GIGYF2: variants seen among roughly 807,000 people sequenced by gnomAD.
The protein encoded by GIGYF2 is GRB10-interacting GYF protein 2.
In GIGYF2, 25 loss-of-function variants were observed where a neutral mutation model predicts 208.1. The ratio of observed to expected loss-of-function variants is 0.12; its 90% CI spans 0.09 to 0.17. The LOEUF (loss-of-function observed/expected upper bound fraction) is 0.17. GIGYF2 is among the 10% of genes least tolerant of loss of function. The probability of loss-of-function intolerance (pLI) is 1.00; values close to 1 mark genes in which losing one functional copy is unlikely to be tolerated. For missense variants in GIGYF2, 1,302 were observed against 1,579.4 expected, an observed-to-expected ratio of 0.82 and a Z score of 2.98; for synonymous variants, 534 against 543.8, an observed-to-expected ratio of 0.98 and a Z score of 0.25.
intron 8 of GIGYF2, among the ~76,000 whole-genome samples, chr2:232,779,178 C>T (rs1411255149): frequency 6.6e-6 from 1 of 152,140 alleles, no homozygotes; most frequent in African/African-American, 2.4e-5. Flanking sequence ...TCTGTTGTAG[C>T]TGTTTCACAG....
At chr2:232,852,723 A>G (rs1690405301) in intron 28 of GIGYF2, among the ~76,000 whole-genome samples, 3 of 152,208 alleles carry the variant, frequency 2.0e-5, no homozygotes, top group South Asian at 4.2e-4. Context: ...ATTTTTTCCA[A>G]TTTGGATGAA....
Position 232,735,191 on chromosome 2 carries a change from GA to G in GIGYF2, c.-3del. 1 of 1,597,020 alleles carries G rather than the reference GA, an allele frequency of 6.3e-7. No individual in the cohort carries two copies. The highest frequency in any genetic ancestry group is 8.6e-7 in the Non-Finnish European group (1 of 1,164,532). On this transcript the variant is annotated 5_prime_UTR_variant, in exon 3 of 29. Transcript: ENST00000373563. ...TATAAAAATCTATTGTAAAAATACG[GA>G]AAAGAATGGCAGCGGAAACGCAGAC... is the stretch of plus-strand genomic sequence containing the variant.
intron 3 of GIGYF2, chr2:232,735,997 T>A (rs1319570676): frequency 1.0e-5 from 10 of 982,254 alleles, no homozygotes; most frequent in Non-Finnish European, 1.2e-5. Context: ...CTTAAACTCT[T>A]GGTTGTTCAG....
Position 232,809,733 on chromosome 2 carries a change from A to T in GIGYF2, c.1820A>T (p.Gln607Leu). 6.2e-7 allele frequency: 1 copy of T among 1,607,268 alleles called. No individual in the cohort carries two copies. ...APPPHMGELD[Q>L]ERLTRQQELT... ...CTTCATTCCTAGGGAGAGCTGGACC[A>T]GGAACGACTGACCAGGCAGCAAGAA... The change falls in exon 16 of 29, where the codon CAG (glutamine) becomes CTG (leucine). Residue 607 changes from glutamine (Q) to leucine (L), a missense_variant. Gln to Leu is a moderately radical substitution (Grantham distance 113). Coordinates refer to ENST00000373563, the MANE Select transcript of GIGYF2 (RefSeq NM_001103146.3).
chr2:232,844,838 A>G (rs1352632568), intron 25 of GIGYF2, among the ~76,000 whole-genome samples: 11 of 152,320 alleles, frequency 7.2e-5, no homozygotes, highest in Admixed American at 6.5e-4. Context: ...TAGGAATAGT[A>G]TAATGTTTTT....
Position 232,859,826 on chromosome 2 carries a change from A to G in GIGYF2, c.*2966A>G, listed in dbSNP as rs7589201. 99,310 of 152,026 alleles carry G rather than the reference A, an allele frequency of 0.65. 32,755 individuals are homozygous for G. Among genetic ancestry groups the G allele is most frequent in the Admixed American group, 0.7 (10,663 of 15,284 alleles). 9.4% of individuals were successfully genotyped at this position (152,026 alleles called of 1,614,324 possible). A position where few individuals can be genotyped will look rare whatever the true frequency, so the allele number is the denominator to read the frequency against. On this transcript the variant is annotated 3_prime_UTR_variant, in exon 29 of 29. Transcript: ENST00000373563. ...GTCTCCGGAATGGCAGCTTCAGAGG[A>G]GTTGAACTTAAGTGGTGATTGGCTT...
At chr2:232,824,220 A>G (rs535590349) in intron 21 of GIGYF2, among the ~76,000 whole-genome samples, 3 of 152,364 alleles carry the variant, frequency 2.0e-5, no homozygotes, top group African/African-American at 7.2e-5. Context: ...AGTGAAAGGA[A>G]GAGTCATGTC....
At chr2:232,730,591 C>T (rs547600229) in intron 2 of GIGYF2, among the ~76,000 whole-genome samples, 82 of 125,142 alleles carry the variant, frequency 6.6e-4, no homozygotes, top group African/African-American at 2.3e-3. Flanking sequence ...GGCAGTAGAG[C>T]GAGACTCAGT....
intron 21 of GIGYF2, among the ~76,000 whole-genome samples, chr2:232,827,214 T>TTTTTTTTTTTTTTTTG (rs1466147543): frequency 2.0e-5 from 3 of 152,144 alleles, no homozygotes; most frequent in Non-Finnish European, 4.4e-5. Flanking sequence ...CATTGTTTTT[T>TTTTTTTTTTTTTTTTG]AAGACATAAT....
Position 232,812,444 on chromosome 2 carries a change from A to G in GIGYF2, c.2060A>G (p.Asp687Gly). The G allele has an allele frequency of 6.4e-7, 1 of 1,562,356 alleles. No homozygotes were observed. The highest frequency in any genetic ancestry group is 1.1e-5 in the South Asian group (1 of 90,096). ...GTAACTAGGTCTGTGTCCGTGCCAG[A>G]TACTGGCTCTATCTGGGAGCTTCAG... ...PSVTRSVSVP[D>G]TGSIWELQPT... The change falls in exon 18 of 29, where the codon GAT becomes GGT. Residue 687 changes from aspartate to glycine, a missense_variant. By Grantham distance (94) the Asp-to-Gly change is moderately conservative. This residue lies in a region of GIGYF2 where 701 missense variants were observed against 793.0 expected (regional missense o/e 0.88). Transcript: ENST00000373563.
intron 4 of GIGYF2, 91 bp from the exon 5 acceptor site, chr2:232,748,896 A>G: frequency 3.9e-6 from 3 of 770,024 alleles, no homozygotes; most frequent in Non-Finnish European, 7.2e-6. Context: ...AACAATAAAT[A>G]GAAGAGTATT....
intron 26 of GIGYF2, 126 bp downstream of exon 26, chr2:232,846,012 G>A: frequency 1.4e-6 from 1 of 714,618 alleles, no homozygotes. Flanking sequence ...TGCTGCACCT[G>A]CCATAGGAAC....
chr2:232,781,341 C>G (rs547828830), intron 8 of GIGYF2, among the ~76,000 whole-genome samples: 3 of 139,332 alleles, frequency 2.2e-5, no homozygotes, highest in Admixed American at 2.1e-4. Context: ...AGATAATGGT[C>G]TCCTTGGCAC....
At chr2:232,791,195 C>CA in intron 11 of GIGYF2, 25 bp downstream of exon 11, 3 of 1,613,356 alleles carry the variant, frequency 1.9e-6, no homozygotes, top group Non-Finnish European at 2.5e-6. Context: ...TGCCCTTTGC[C>CA]TTTTTTTTCC....
At chr2:232,787,022 T>G in intron 8 of GIGYF2, 128 bp from the exon 9 acceptor site, 1 of 574,484 alleles carries the variant, frequency 1.7e-6, no homozygotes, top group African/African-American at 6.5e-5. Context: ...ACTGTTATTT[T>G]AGTGATTTTT....
chr2:232,765,786 T>TG, intron 8 of GIGYF2: 1 of 356,030 alleles, frequency 2.8e-6, no homozygotes, highest in East Asian at 7.6e-5. Context: ...TAGACTCTTC[T>TG]GGTACTTGGT....
intron 2 of GIGYF2, among the ~76,000 whole-genome samples, chr2:232,718,440 A>G (rs1307568316): frequency 1.3e-5 from 2 of 152,166 alleles, no homozygotes; most frequent in Non-Finnish European, 2.9e-5. Context: ...TCATTATATG[A>G]GTATACTGCA....
chr2:232,804,893 A>G (rs954247911), intron 14 of GIGYF2, among the ~76,000 whole-genome samples: 17 of 150,364 alleles, frequency 1.1e-4, no homozygotes, highest in Admixed American at 5.9e-4. Context: ...GTTTCTAAGT[A>G]TTTGGAAGAT....
At chr2:232,836,263 CATATATATATATATATATATAT>C (rs1156576756) in intron 22 of GIGYF2, among the ~76,000 whole-genome samples, 16 of 38,616 alleles carry the variant, frequency 4.1e-4, no homozygotes, top group South Asian at 2.3e-3. Flanking sequence ...CCCATCTCTA[CATATATATATATATATATATAT>C]ATATATATAT....
Sources: gnomAD v4.1 joint callset for allele counts (sites outside exome capture counted in the v4.1 genomes callset) on GRCh38, gnomAD v4.1.1 for gene constraint, gnomAD v4.1.1 regional missense constraint, MANE v1.5 for transcripts, NCBI Gene and HGNC (gene_info 2026-07-23, HGNC 2026-07-21) for gene names.